The following NDUFAF2 variants were observed in gnomAD, a reference collection of about 807,000 sequenced individuals.
NDUFAF2 encodes the protein NADH:ubiquinone oxidoreductase complex assembly factor 2.
NDUFAF2 carries 13 observed loss-of-function variants against 22.8 expected under a neutral mutation model. The observed-to-expected ratio is 0.57, with a 90% confidence interval of 0.37 to 0.91. The LOEUF is 0.91. Among genes scored for constraint, NDUFAF2 ranks in the 40% least tolerant of loss-of-function variants. NDUFAF2 has a pLI of 0.01. For missense variants in NDUFAF2, 162 were observed against 195.2 expected, an observed-to-expected ratio of 0.83 and a Z score of 1.01; for synonymous variants, 53 against 64.2, an observed-to-expected ratio of 0.83 and a Z score of 0.84.
At chr5:61,066,025 A>G (rs368497325) in intron 1 of NDUFAF2, among the ~76,000 whole-genome samples, 93 of 152,180 alleles carry the variant, frequency 6.1e-4, no homozygotes, top group African/African-American at 2.1e-3. Flanking sequence ...AAATTAGCAT[A>G]CAAAAAAAAT....
At chr5:61,111,851 C>T (rs1193332448) in intron 3 of NDUFAF2, among the ~76,000 whole-genome samples, 1 of 152,050 alleles carries the variant, frequency 6.6e-6, no homozygotes, top group Middle Eastern at 3.2e-3. Context: ...ATCTCCTGAC[C>T]TCATGATCCG....
intron 1 of NDUFAF2, among the ~76,000 whole-genome samples, chr5:61,064,224 T>C (rs1297403697): frequency 6.6e-6 from 1 of 152,058 alleles, no homozygotes; most frequent in Non-Finnish European, 1.5e-5. Flanking sequence ...GTACCCAACA[T>C]TGGAGCACCT....
At chr5:61,057,115 G>A (rs2111709170) in intron 1 of NDUFAF2, among the ~76,000 whole-genome samples, 1 of 151,602 alleles carries the variant, frequency 6.6e-6, no homozygotes, top group Middle Eastern at 3.4e-3. Flanking sequence ...AGGCCTGCTT[G>A]CTTGATGACA....
chr5:60,949,413 TG>T lies in NDUFAF2; in HGVS notation c.127+4033del, dbSNP rs1230977908. ...ACTGCTGATTAGTATTCCATGTTAA[TG>T]GATGTACCAGTTTGTTCATTTACTC... On this transcript the variant is annotated intron_variant, in intron 1 of 3. Transcript: ENST00000296597. Among the ~76,000 whole-genome samples, 16 of 152,354 alleles carry T rather than the reference TG, an allele frequency of 1.1e-4. No individual in the cohort carries two copies. In the South Asian group the frequency reaches 3.3e-3, roughly 32 times the overall value.
intron 1 of NDUFAF2, among the ~76,000 whole-genome samples, chr5:61,040,598 A>T (rs984170217): frequency 3.3e-5 from 5 of 152,044 alleles, no homozygotes; most frequent in African/African-American, 1.2e-4. Context: ...TCATTTACTA[A>T]GCTATGAAGT....
intron 1 of NDUFAF2, among the ~76,000 whole-genome samples, chr5:61,014,103 T>TC (rs1008356699): frequency 5.3e-5 from 8 of 152,226 alleles, no homozygotes; most frequent in South Asian, 2.1e-4. Flanking sequence ...ATGGGGCTGG[T>TC]CCCCAGAAAG....
chr5:61,149,663 A>G (rs1456766156), intron 3 of NDUFAF2, among the ~76,000 whole-genome samples: 1 of 152,214 alleles, frequency 6.6e-6, no homozygotes, highest in African/African-American at 2.4e-5. Context: ...TGTTTTTAAA[A>G]TACAAACATT....
intron 3 of NDUFAF2, among the ~76,000 whole-genome samples, chr5:61,145,062 A>G (rs975493117): frequency 6.6e-6 from 1 of 152,228 alleles, no homozygotes; most frequent in Non-Finnish European, 1.5e-5. Context: ...TGAGTGAGCT[A>G]TAAGTCAGCA....
At chr5:60,956,601 G>C (rs1750618882) in intron 1 of NDUFAF2, among the ~76,000 whole-genome samples, 1 of 152,072 alleles carries the variant, frequency 6.6e-6, no homozygotes, top group African/African-American at 2.4e-5. Flanking sequence ...TATTGAGATG[G>C]TCATACAGTT....
At chr5:61,006,860 G>A (rs1019304131) in intron 1 of NDUFAF2, among the ~76,000 whole-genome samples, 21 of 152,020 alleles carry the variant, frequency 1.4e-4, no homozygotes, top group African/African-American at 5.1e-4. Flanking sequence ...TTTTGGTCAA[G>A]GCGTTTGAAT....
chr5:61,034,052 A>C (rs913265553), intron 1 of NDUFAF2, among the ~76,000 whole-genome samples: 1 of 152,184 alleles, frequency 6.6e-6, no homozygotes, highest in Non-Finnish European at 1.5e-5. Flanking sequence ...AGTTTATTAC[A>C]GCCAAGGAAG....
At chr5:60,998,013 A>G (rs1483442807) in intron 1 of NDUFAF2, among the ~76,000 whole-genome samples, 1 of 152,186 alleles carries the variant, frequency 6.6e-6, no homozygotes, top group Non-Finnish European at 1.5e-5. Flanking sequence ...TTAGGGGTAG[A>G]AAATAGTCAA....
chr5:60,971,514 C>T (rs1488909704), intron 1 of NDUFAF2, among the ~76,000 whole-genome samples: 1 of 151,964 alleles, frequency 6.6e-6, no homozygotes, highest in Non-Finnish European at 1.5e-5. Context: ...GTCTCGATCT[C>T]CTGACCTCGT....
intron 1 of NDUFAF2, among the ~76,000 whole-genome samples, chr5:61,066,943 G>A (rs1752235337): frequency 2.6e-5 from 4 of 151,996 alleles, no homozygotes; most frequent in Admixed American, 2.6e-4. Flanking sequence ...GGGGTGGTTG[G>A]GAGAAGTAGG....
At chr5:61,065,046 A>G (rs1752212179) in intron 1 of NDUFAF2, among the ~76,000 whole-genome samples, 1 of 152,206 alleles carries the variant, frequency 6.6e-6, no homozygotes, top group Non-Finnish European at 1.5e-5. Flanking sequence ...CTCAGAAATA[A>G]AAAGGTCATA....
At chr5:61,029,173 T>G (rs187540093) in intron 1 of NDUFAF2, among the ~76,000 whole-genome samples, 1 of 152,254 alleles carries the variant, frequency 6.6e-6, no homozygotes, top group Admixed American at 6.6e-5. Flanking sequence ...ACCAAATGTA[T>G]CTGGTGGAGA....
intron 2 of NDUFAF2, among the ~76,000 whole-genome samples, chr5:61,094,716 T>C (rs1337674505): frequency 1.3e-5 from 2 of 152,206 alleles, no homozygotes; most frequent in Non-Finnish European, 2.9e-5. Context: ...CAGTTTTCCA[T>C]AGGGCTACTG....
chr5:60,995,628 C>G (rs1463148571), intron 1 of NDUFAF2, among the ~76,000 whole-genome samples: 1 of 152,204 alleles, frequency 6.6e-6, no homozygotes, highest in African/African-American at 2.4e-5. Context: ...TATGTCAGAC[C>G]TGAAGCCAAC....
At chr5:60,995,439 C>G (rs1463310776) in intron 1 of NDUFAF2, among the ~76,000 whole-genome samples, 1 of 152,242 alleles carries the variant, frequency 6.6e-6, no homozygotes, top group East Asian at 1.9e-4. Flanking sequence ...CATAGAGGTA[C>G]TGCCTTGATG....
Sources: gnomAD v4.1 joint callset for allele counts (sites outside exome capture counted in the v4.1 genomes callset) on GRCh38, gnomAD v4.1.1 for gene constraint, MANE v1.5 for transcripts, NCBI Gene and HGNC (gene_info 2026-07-23, HGNC 2026-07-21) for gene names.